PCDH9: variants seen among roughly 807,000 people sequenced by gnomAD.
The protein encoded by PCDH9 is protocadherin 9.
In PCDH9, 24 loss-of-function variants were observed where a neutral mutation model predicts 70.6. The observed-to-expected ratio is 0.34, with a 90% confidence interval of 0.25 to 0.48. The LOEUF is 0.48. Among genes scored for constraint, PCDH9 ranks in the 20% least tolerant of loss-of-function variants. The probability of loss-of-function intolerance (pLI) is 0.99; values close to 1 mark genes in which losing one functional copy is unlikely to be tolerated. For synonymous variants in PCDH9, 562 were observed against 558.5 expected, an observed-to-expected ratio of 1.01 and a Z score of -0.09; for missense variants, 1,281 against 1,503.6, an observed-to-expected ratio of 0.85 and a Z score of 2.45.
chr13:66,502,520 T>G (rs1959182066), intron 4 of PCDH9, among the ~76,000 whole-genome samples: 1 of 152,142 alleles, frequency 6.6e-6, no homozygotes, highest in Non-Finnish European at 1.5e-5. Context: ...ATAAAAAAAT[T>G]TGTCATTTTT....
At chr13:67,059,765 T>A (rs890550325) in intron 2 of PCDH9, among the ~76,000 whole-genome samples, 3 of 152,020 alleles carry the variant, frequency 2.0e-5, no homozygotes, top group African/African-American at 7.2e-5. Flanking sequence ...TTTCAAAAAA[T>A]TTTACAGAAA....
chr13:66,858,967 G>C (rs1203375879), intron 3 of PCDH9: 1 of 152,026 alleles, frequency 6.6e-6, no homozygotes, highest in Non-Finnish European at 1.5e-5. Flanking sequence ...TCACTACATA[G>C]TTTTATTTAA....
chr13:66,354,130 G>T (rs551546297), intron 4 of PCDH9, among the ~76,000 whole-genome samples: 2 of 152,228 alleles, frequency 1.3e-5, no homozygotes, highest in African/African-American at 4.8e-5. Flanking sequence ...GTTGAAGAGG[G>T]TTGTTTTTCT....
intron 4 of PCDH9, among the ~76,000 whole-genome samples, chr13:66,431,384 A>C (rs1957768826): frequency 6.6e-6 from 1 of 152,044 alleles, no homozygotes; most frequent in Non-Finnish European, 1.5e-5. Flanking sequence ...GATTAAACAA[A>C]TTGATCAAGA....
chr13:66,387,522 A>G (rs1956949615), intron 4 of PCDH9, among the ~76,000 whole-genome samples: 1 of 134,390 alleles, frequency 7.4e-6, no homozygotes, highest in Non-Finnish European at 1.6e-5. Flanking sequence ...TCTTACTCTT[A>G]TTTCCCACAT....
At chr13:66,682,410 C>T (rs1593887000) in intron 3 of PCDH9, among the ~76,000 whole-genome samples, 2 of 151,304 alleles carry the variant, frequency 1.3e-5, no homozygotes, top group African/African-American at 4.9e-5. Flanking sequence ...CATCTATCAT[C>T]TTCTTCTTTT....
chr13:66,498,062 C>T (rs565847445), intron 4 of PCDH9, among the ~76,000 whole-genome samples: 22 of 151,976 alleles, frequency 1.4e-4, no homozygotes, highest in Admixed American at 3.9e-4. Context: ...TCAAGTGATC[C>T]TCCCGCCTCG....
intron 2 of PCDH9, among the ~76,000 whole-genome samples, chr13:67,040,894 A>T (rs2085101090): frequency 6.6e-6 from 1 of 152,200 alleles, no homozygotes; most frequent in Non-Finnish European, 1.5e-5. Context: ...AATGGAACAA[A>T]CACAATCAGG....
chr13:67,058,936 T>C (rs181917014), intron 2 of PCDH9, among the ~76,000 whole-genome samples: 5 of 152,232 alleles, frequency 3.3e-5, no homozygotes, highest in African/African-American at 1.2e-4. Flanking sequence ...GAATAAAGAC[T>C]GCTTAAGGGG....
intron 4 of PCDH9, among the ~76,000 whole-genome samples, chr13:66,415,565 A>G (rs1957446822): frequency 2.0e-5 from 3 of 152,248 alleles, no homozygotes; most frequent in Non-Finnish European, 4.4e-5. Context: ...ACAATGTTCT[A>G]CCCTTTGCTA....
chr13:66,618,437 T>C (rs1470584128), intron 4 of PCDH9, among the ~76,000 whole-genome samples: 2 of 152,216 alleles, frequency 1.3e-5, no homozygotes, highest in Non-Finnish European at 2.9e-5. Flanking sequence ...CAAATTACTA[T>C]GGTTTCTTAA....
intron 4 of PCDH9, among the ~76,000 whole-genome samples, chr13:66,397,466 ATGTGTG>A (rs892415024): frequency 4.9e-5 from 2 of 41,194 alleles, no homozygotes; most frequent in Admixed American, 4.4e-4. Context: ...GTATATATAT[ATGTGTG>A]TGTGTGTATA....
chr13:66,539,145 A>T (rs1199703001), intron 4 of PCDH9, among the ~76,000 whole-genome samples: 1 of 152,082 alleles, frequency 6.6e-6, no homozygotes, highest in East Asian at 1.9e-4. Flanking sequence ...TAGAATTAAA[A>T]TTTTTCTCTC....
At chr13:66,485,147 T>C (rs1011522983) in intron 4 of PCDH9, among the ~76,000 whole-genome samples, 4 of 152,224 alleles carry the variant, frequency 2.6e-5, no homozygotes, top group South Asian at 2.1e-4. Flanking sequence ...TCTTGAAAAC[T>C]TGAAGCATAG....
intron 4 of PCDH9, among the ~76,000 whole-genome samples, chr13:66,467,126 C>T (rs776966408): frequency 7.2e-5 from 11 of 151,890 alleles, no homozygotes; most frequent in Non-Finnish European, 1.3e-4. Context: ...TAAGGGAGCA[C>T]CAAAAAAGTA....
At chr13:67,041,589 T>C (rs1009932474) in intron 2 of PCDH9, among the ~76,000 whole-genome samples, 20 of 152,090 alleles carry the variant, frequency 1.3e-4, no homozygotes, top group African/African-American at 4.8e-4. Flanking sequence ...CCCAGCACTT[T>C]GGGAGGCCAA....
chr13:66,399,588 G>A (rs1490460480), intron 4 of PCDH9, among the ~76,000 whole-genome samples: 1 of 151,916 alleles, frequency 6.6e-6, no homozygotes, highest in Non-Finnish European at 1.5e-5. Flanking sequence ...AAGCCTACAG[G>A]TCATTTGCTT....
chr13:66,862,391 G>T (rs2081499164), intron 3 of PCDH9, among the ~76,000 whole-genome samples: 1 of 152,168 alleles, frequency 6.6e-6, no homozygotes, highest in African/African-American at 2.4e-5. Context: ...GCAATTTTCA[G>T]AATCGAGAAA....
intron 3 of PCDH9, among the ~76,000 whole-genome samples, chr13:66,889,003 T>C (rs2082053229): frequency 6.6e-6 from 1 of 152,214 alleles, no homozygotes; most frequent in Non-Finnish European, 1.5e-5. Flanking sequence ...TATTCAACTT[T>C]CAGGAAGATA....
Sources: allele counts gnomAD v4.1 joint callset (sites outside exome capture counted in the v4.1 genomes callset), GRCh38; gene constraint gnomAD v4.1.1; transcripts MANE v1.5; gene names NCBI Gene and HGNC (gene_info 2026-07-23, HGNC 2026-07-21).